The following TMEM266 variants were observed in gnomAD, a reference collection of about 807,000 sequenced individuals.
TMEM266 encodes Hv1 related protein 1.
TMEM266 carries 33 observed loss-of-function variants against 50.5 expected under a neutral mutation model. The ratio of observed to expected loss-of-function variants is 0.65; its 90% confidence interval spans 0.50 to 0.87. TMEM266 has a LOEUF of 0.87. TMEM266 is among the 40% of genes least tolerant of loss of function. The probability of loss-of-function intolerance (pLI) is 0.00; values close to 1 mark genes in which losing one functional copy is unlikely to be tolerated. For synonymous variants in TMEM266, 310 were observed against 292.3 expected (o/e 1.06, Z -0.62); for missense variants, 655 against 695.1 (o/e 0.94, Z 0.65).
intron 1 of TMEM266, among the ~76,000 whole-genome samples, chr15:76,124,022 G>A (rs2142021362): frequency 6.6e-6 from 1 of 152,302 alleles, no homozygotes; most frequent in Non-Finnish European, 1.5e-5. Context: ...CCCAAGGGAT[G>A]AATCTTGACT....
intron 1 of TMEM266, among the ~76,000 whole-genome samples, chr15:76,117,088 A>G (rs4886769): frequency 0.31 from 47,624 of 151,386 alleles, 8,818 homozygotes; most frequent in East Asian, 0.62. Flanking sequence ...TAGCAGAGAC[A>G]GCATTTCTTC....
At chr15:76,191,893 A>AGCGCCCAGAGGTCAGGCTGGAG in intron 8 of TMEM266, 75 bp from the exon 9 acceptor site, 2 of 1,375,554 alleles carry the variant, frequency 1.5e-6, no homozygotes, top group Non-Finnish European at 1.9e-6. Flanking sequence ...GCAGGAGCAA[A>AGCGCCCAGAGGTCAGGCTGGAG]GCGCCCAGAG....
intron 1 of TMEM266, among the ~76,000 whole-genome samples, chr15:76,117,494 G>A (rs531536868): frequency 2.0e-4 from 30 of 152,226 alleles, no homozygotes; most frequent in South Asian, 1.0e-3. Context: ...CACCTCCCAC[G>A]TAGCCTGGGT....
chr15:76,134,086 C>G, intron 1 of TMEM266, 82 bp from the exon 2 acceptor site: 1 of 577,678 alleles, frequency 1.7e-6, no homozygotes, highest in Non-Finnish European at 3.0e-6. Context: ...GAAGAAAGTT[C>G]TAAGGACTCC....
chr15:76,072,545 C>G (rs2036553206), intron 1 of TMEM266, among the ~76,000 whole-genome samples: 1 of 151,808 alleles, frequency 6.6e-6, no homozygotes, highest in Non-Finnish European at 1.5e-5. Flanking sequence ...CTGGACAAGT[C>G]GCTTCACTTT....
intron 1 of TMEM266, among the ~76,000 whole-genome samples, chr15:76,120,999 C>A (rs1277734338): frequency 6.6e-6 from 1 of 151,998 alleles, no homozygotes; most frequent in Non-Finnish European, 1.5e-5. Flanking sequence ...ATATATAAAT[C>A]TTCACTAACT....
chr15:76,170,931 C>G, intron 6 of TMEM266, 62 bp from the exon 7 acceptor site: 12 of 1,537,686 alleles, frequency 7.8e-6, no homozygotes, highest in Non-Finnish European at 9.7e-6. Flanking sequence ...CTTTGCCTGA[C>G]TGACCCCTGG....
chr15:76,073,233 CT>C (rs57465474), intron 1 of TMEM266, among the ~76,000 whole-genome samples: 71,971 of 134,922 alleles, frequency 0.53, 18,062 homozygotes, highest in Admixed American at 0.66. Context: ...GCCCGGCCTT[CT>C]TTTTTTTTTT....
intron 1 of TMEM266, among the ~76,000 whole-genome samples, chr15:76,111,784 C>T (rs943777862): frequency 2.6e-5 from 4 of 152,326 alleles, no homozygotes; most frequent in Admixed American, 6.5e-5. Context: ...TGGTATTTAC[C>T]CAAATGAGTT....
rs1209659115 is a variant in TMEM266, at chr15:76,185,393, G to A, written c.769-6575G>A. Among the ~76,000 whole-genome samples the A allele has an allele frequency of 5.9e-5, 9 of 152,008 alleles. No individual in the cohort carries two copies. The East Asian group carries it at 1.4e-3, about 23-fold the overall frequency. On this transcript the variant is annotated intron_variant, in intron 8 of 10. Transcript: ENST00000388942. Reference sequence around the variant, plus strand: ...GACCTGTCTTCAACAACCCTACTACGTCCAATCTCCTGTTAAACCCATCCA... The same window carrying A: ...GACCTGTCTTCAACAACCCTACTACATCCAATCTCCTGTTAAACCCATCCA...
intron 6 of TMEM266, among the ~76,000 whole-genome samples, chr15:76,170,481 G>A (rs1008978628): frequency 1.3e-5 from 2 of 152,242 alleles, no homozygotes; most frequent in Admixed American, 6.5e-5. Context: ...TGGGGCAGGC[G>A]GACGGAAGGG....
intron 1 of TMEM266, among the ~76,000 whole-genome samples, chr15:76,078,894 G>A (rs1467880009): frequency 6.6e-6 from 1 of 152,222 alleles, no homozygotes; most frequent in Admixed American, 6.5e-5. Context: ...CATAGGCTCT[G>A]GGGGAAAATT....
chr15:76,175,518 G>A, intron 7 of TMEM266, 41 bp from the exon 8 acceptor site: 1 of 1,541,782 alleles, frequency 6.5e-7, no homozygotes, highest in Non-Finnish European at 8.9e-7. Context: ...TCCAAGCCCT[G>A]CCACTGCTGA....
intron 1 of TMEM266, among the ~76,000 whole-genome samples, chr15:76,130,624 T>C (rs1339014788): frequency 6.6e-6 from 1 of 152,246 alleles, no homozygotes; most frequent in Admixed American, 6.5e-5. Flanking sequence ...TCCTTAGAAC[T>C]ACATATTGAA....
At chr15:76,188,943 G>T (rs1159072629) in intron 8 of TMEM266, among the ~76,000 whole-genome samples, 1 of 152,224 alleles carries the variant, frequency 6.6e-6, no homozygotes, top group Non-Finnish European at 1.5e-5. Context: ...TTGGGAGGCT[G>T]AGGAAGGTGG....
intron 8 of TMEM266, among the ~76,000 whole-genome samples, chr15:76,179,303 C>T (rs574357125): frequency 4.9e-4 from 74 of 152,296 alleles, no homozygotes; most frequent in African/African-American, 1.7e-3. Context: ...GTGATGAGAT[C>T]GTAGCCTAAA....
chr15:76,183,695 G>A (rs983645852), intron 8 of TMEM266, among the ~76,000 whole-genome samples: 5 of 152,130 alleles, frequency 3.3e-5, no homozygotes, highest in Admixed American at 6.5e-5. Flanking sequence ...CCCTTTCCCC[G>A]GTTCCACCAC....
intron 9 of TMEM266, among the ~76,000 whole-genome samples, chr15:76,199,762 G>GTCCCTCCCTCCCTCCC (rs10669067): frequency 2.0e-5 from 3 of 148,542 alleles, no homozygotes; most frequent in Admixed American, 6.7e-5. Context: ...GTAAACACTA[G>GTCCCTCCCTCCCTCCC]TCCCTCCCTC....
chr15:76,173,946 A>T (rs1209638198), intron 7 of TMEM266, among the ~76,000 whole-genome samples: 6 of 146,864 alleles, frequency 4.1e-5, no homozygotes, highest in South Asian at 2.1e-4. Flanking sequence ...AAAAAATAAA[A>T]AAAAAAAAAA....
Sources: allele counts gnomAD v4.1 joint callset (sites outside exome capture counted in the v4.1 genomes callset), GRCh38; gene constraint gnomAD v4.1.1; transcripts MANE v1.5; gene names NCBI Gene and HGNC (gene_info 2026-07-23, HGNC 2026-07-21).